DCC: variants seen among roughly 807,000 people sequenced by gnomAD.
DCC encodes netrin receptor DCC.
DCC carries 58 observed loss-of-function variants against 172.5 expected under a neutral mutation model. The observed-to-expected ratio is 0.34, with a 90% CI of 0.27 to 0.42. The LOEUF is 0.42. Among genes scored for constraint, DCC ranks in the 10% least tolerant of loss-of-function variants. The probability of loss-of-function intolerance (pLI) is 1.00; values close to 1 mark genes in which losing one functional copy is unlikely to be tolerated. For synonymous variants in DCC, 709 were observed against 644.5 expected, an observed-to-expected ratio of 1.10 and a Z score of -1.52; for missense variants, 1,740 against 1,791.0, an observed-to-expected ratio of 0.97 and a Z score of 0.51.
At chr18:53,071,889 G>A (rs887696521) in intron 7 of DCC, among the ~76,000 whole-genome samples, 1 of 152,164 alleles carries the variant, frequency 6.6e-6, no homozygotes. Context: ...AGCACCTTGG[G>A]AGGACAAGGT....
intron 2 of DCC, among the ~76,000 whole-genome samples, chr18:52,802,288 C>G (rs2038004436): frequency 6.6e-6 from 1 of 151,970 alleles, no homozygotes; most frequent in South Asian, 2.1e-4. Flanking sequence ...TTGCTATTGC[C>G]AGAGTAGCAA....
At chr18:52,773,402 TA>T (rs1424290395) in intron 2 of DCC, among the ~76,000 whole-genome samples, 6 of 152,228 alleles carry the variant, frequency 3.9e-5, no homozygotes, top group African/African-American at 1.4e-4. Context: ...CAAGATGATG[TA>T]TTCACCAAAT....
chr18:52,470,499 T>G (rs1988916022), intron 1 of DCC, among the ~76,000 whole-genome samples: 1 of 152,196 alleles, frequency 6.6e-6, no homozygotes, highest in Non-Finnish European at 1.5e-5. Context: ...TTTCACTTAG[T>G]CTGTATACTC....
At chr18:52,985,526 T>C (rs1027925677) in intron 5 of DCC, among the ~76,000 whole-genome samples, 6 of 152,132 alleles carry the variant, frequency 3.9e-5, no homozygotes, top group Non-Finnish European at 8.8e-5. Flanking sequence ...GACCTGATAT[T>C]ATCGGTAGGT....
At chr18:53,006,185 A>G (rs944380033) in intron 5 of DCC, among the ~76,000 whole-genome samples, 1 of 152,228 alleles carries the variant, frequency 6.6e-6, no homozygotes, top group Admixed American at 6.5e-5. Flanking sequence ...ATCACAGAAA[A>G]TTCAAACTGG....
At chr18:52,798,060 C>T (rs1389706000) in intron 2 of DCC, among the ~76,000 whole-genome samples, 2 of 152,162 alleles carry the variant, frequency 1.3e-5, no homozygotes, top group Non-Finnish European at 2.9e-5. Context: ...AGGTTGCTTG[C>T]ACGAAGGTTG....
chr18:52,374,218 T>C (rs554165467), intron 1 of DCC, among the ~76,000 whole-genome samples: 28 of 152,228 alleles, frequency 1.8e-4, no homozygotes, highest in Non-Finnish European at 3.7e-4. Flanking sequence ...GATTATCCTT[T>C]ACAAACTTGC....
chr18:53,011,987 G>A (rs1013205891), intron 5 of DCC, among the ~76,000 whole-genome samples: 2 of 151,800 alleles, frequency 1.3e-5, no homozygotes, highest in South Asian at 2.1e-4. Flanking sequence ...ATTAAACAAT[G>A]CTGAAATACC....
chr18:52,953,023 A>AAAAAAAAAAC (rs1410549172), intron 5 of DCC, among the ~76,000 whole-genome samples: 57 of 149,248 alleles, frequency 3.8e-4, no homozygotes, highest in Admixed American at 2.1e-3. Context: ...AAAAAAAAAA[A>AAAAAAAAAAC]AAAAACTCAT....
chr18:52,934,089 T>C (rs972180181), intron 5 of DCC, among the ~76,000 whole-genome samples: 1 of 152,072 alleles, frequency 6.6e-6, no homozygotes, highest in African/African-American at 2.4e-5. Context: ...AATATTAAAA[T>C]ATTCTATGTA....
intron 1 of DCC, among the ~76,000 whole-genome samples, chr18:52,610,178 A>AATATATATATATATATAT (rs1158849717): frequency 1.4e-4 from 2 of 14,078 alleles, no homozygotes; most frequent in Non-Finnish European, 2.1e-4. Flanking sequence ...AAAAAAAAAA[A>AATATATATATATATATAT]ATATATATAT....
At chr18:52,838,052 C>CA (rs1292859778) in intron 2 of DCC, among the ~76,000 whole-genome samples, 2 of 152,142 alleles carry the variant, frequency 1.3e-5, no homozygotes, top group Non-Finnish European at 2.9e-5. Context: ...AAACCACCCC[C>CA]ATGATTCAAT....
chr18:52,949,621 T>C (rs2040603584), intron 5 of DCC, among the ~76,000 whole-genome samples: 1 of 152,242 alleles, frequency 6.6e-6, no homozygotes, highest in Non-Finnish European at 1.5e-5. Flanking sequence ...TAAGTTCTGA[T>C]GACCCAAGTA....
At chr18:52,681,370 A>G (rs1411432205) in intron 1 of DCC, among the ~76,000 whole-genome samples, 1 of 152,086 alleles carries the variant, frequency 6.6e-6, no homozygotes, top group Admixed American at 6.6e-5. Flanking sequence ...GTTAATTTCC[A>G]TGCTATCAGG....
chr18:52,654,093 G>A (rs1266245433), intron 1 of DCC, among the ~76,000 whole-genome samples: 1 of 152,166 alleles, frequency 6.6e-6, no homozygotes, highest in African/African-American at 2.4e-5. Flanking sequence ...AACCTTAAAA[G>A]TAGTACCAGG....
intron 1 of DCC, among the ~76,000 whole-genome samples, chr18:52,364,472 G>A (rs1021879630): frequency 3.9e-5 from 6 of 152,072 alleles, no homozygotes; most frequent in Non-Finnish European, 8.8e-5. Flanking sequence ...CTTAAAAAAA[G>A]CTTAGCCATC....
intron 1 of DCC, among the ~76,000 whole-genome samples, chr18:52,632,096 C>T (rs2034688260): frequency 6.6e-6 from 1 of 152,120 alleles, no homozygotes; most frequent in Non-Finnish European, 1.5e-5. Context: ...GAGAACTTCC[C>T]CAAATTCCTA....
At chr18:52,340,910 C>T (rs1983601863) in intron 1 of DCC, 32 bp downstream of exon 1, 3 of 1,497,934 alleles carry the variant, frequency 2.0e-6, no homozygotes, top group Admixed American at 1.7e-5. Flanking sequence ...TCTCGTCGCA[C>T]CCCCTTCCGT....
chr18:52,421,993 T>C (rs1164139439), intron 1 of DCC, among the ~76,000 whole-genome samples: 1 of 152,186 alleles, frequency 6.6e-6, no homozygotes, highest in Non-Finnish European at 1.5e-5. Context: ...AGTATCTTCT[T>C]CTCATCATGT....
Sources: gnomAD v4.1 joint callset for allele counts (sites outside exome capture counted in the v4.1 genomes callset) on GRCh38, gnomAD v4.1.1 for gene constraint, MANE v1.5 for transcripts, NCBI Gene and HGNC (gene_info 2026-07-23, HGNC 2026-07-21) for gene names.